STAG3: variants seen among roughly 807,000 people sequenced by gnomAD.
STAG3 encodes the protein cohesin subunit SA-3.
STAG3 carries 101 observed loss-of-function variants against 160.7 expected under a neutral mutation model. The ratio of observed to expected loss-of-function variants is 0.63; its 90% CI spans 0.54 to 0.74. The LOEUF is 0.74. Among genes scored for constraint, STAG3 ranks in the 30% least tolerant of loss-of-function variants. The pLI is 0.00. For missense variants in STAG3, 1,188 were observed against 1,517.4 expected (o/e 0.78, Z 3.61); for synonymous variants, 519 against 585.0 (o/e 0.89, Z 1.63).
rs529840831 is a variant in STAG3, at chr7:100,203,953, T to C, written c.2701-68T>C. The C allele has an allele frequency of 3.6e-5, 37 of 1,016,876 alleles. No individual in the cohort carries two copies. The East Asian group carries it at 8.4e-4, about 23-fold the overall frequency. 63.0% of individuals were successfully genotyped at this position (1,016,876 alleles called of 1,614,324 possible). On this transcript the variant is annotated intron_variant, in intron 25 of 33. Coordinates refer to ENST00000615138, the MANE Select transcript of STAG3 (RefSeq NM_001282717.2). ...TTTGGGAGGGAGACATGATTAGGGA[T>C]GTGAAGGAAGAAACCAAATGGTCTT... is the stretch of plus-strand genomic sequence containing the variant.
intron 8 of STAG3, among the ~76,000 whole-genome samples, chr7:100,193,138 T>C (rs771529838): frequency 6.6e-6 from 1 of 152,220 alleles, no homozygotes; most frequent in Non-Finnish European, 1.5e-5. Flanking sequence ...GAAAGGAATC[T>C]TTTTTTCTGA....
rs1454406986 is a variant in STAG3 at position 100,189,611 on chromosome 7, C to T, written c.867+15C>T. 8 of 1,601,026 alleles carry T rather than the reference C, an allele frequency of 5.0e-6. No individual in the cohort carries two copies. In the African/African-American group the frequency reaches 6.7e-5, roughly 13 times the overall value. The stretch of plus-strand genomic sequence containing the variant: ...AACGCAAAGAGGTGAGGAGTGTTCC[C>T]TGCTTCTTCCTTCCCTTTTTCCCAA... On this transcript the variant is annotated intron_variant, in intron 8 of 33. Transcript: ENST00000615138.
At chr7:100,196,940 G>C (rs1458000556) in intron 9 of STAG3, among the ~76,000 whole-genome samples, 4 of 152,146 alleles carry the variant, frequency 2.6e-5, no homozygotes, top group Non-Finnish European at 5.9e-5. Context: ...AGGCCAGCTT[G>C]GGCAACATAG....
At chr7:100,187,565 C>A (rs1461902820) in intron 5 of STAG3, among the ~76,000 whole-genome samples, 1 of 152,120 alleles carries the variant, frequency 6.6e-6, no homozygotes, top group Non-Finnish European at 1.5e-5. Flanking sequence ...TGCAGCCTGG[C>A]CCTTCATTTG....
At position 100,201,261 on chromosome 7, in the gene STAG3, A is replaced by G. The variant is rs981481869; in HGVS notation, c.2133-3A>G. 2 of 1,613,886 alleles carry G rather than the reference A, an allele frequency of 1.2e-6. No individual in the cohort carries two copies. Among genetic ancestry groups the G allele is most frequent in the Admixed American group, 3.3e-5 (2 of 59,994 alleles). The stretch of plus-strand genomic sequence containing the variant: ...GTATAACATTCCCCTTTCTCCCCCA[A>G]AGCACTCATGACCTGACTCGCTGGG... On this transcript the variant is annotated splice_region_variant and splice_polypyrimidine_tract_variant and intron_variant, in intron 20 of 33. Transcript: ENST00000615138.
In STAG3 at chr7:100,200,433, C is replaced by T. The variant is rs1801026323; in HGVS notation, c.1771-20C>T. On this transcript the variant is annotated intron_variant, in intron 17 of 33. Coordinates refer to ENST00000615138, the MANE Select transcript of STAG3 (RefSeq NM_001282717.2). ...GCAATGTGTCAGCTTGTAAGGAGGC[C>T]TCCCTGTCAATCATCACAGTTCTCA... is the stretch of plus-strand genomic sequence containing the variant. The T allele has an allele frequency of 6.2e-7, 1 of 1,613,848 alleles. No individual in the cohort carries two copies. The highest frequency in any genetic ancestry group is 8.5e-7 in the Non-Finnish European group (1 of 1,179,766).
At chr7:100,191,950 C>A (rs776715547) in intron 8 of STAG3, among the ~76,000 whole-genome samples, 2 of 152,228 alleles carry the variant, frequency 1.3e-5, no homozygotes, top group African/African-American at 4.8e-5. Context: ...ACAACCTCTT[C>A]ACCAGGAATA....
chr7:100,204,895 C>T lies in STAG3; in HGVS notation c.2952-110C>T, dbSNP rs900174845. ...GCAGTCAGGTTAGGGGTGGGTATGC[C>T]TTTGGAGACAAGCTGGGGACGGGGG... On this transcript the variant is annotated intron_variant, in intron 27 of 33. Coordinates refer to ENST00000615138, the MANE Select transcript of STAG3 (RefSeq NM_001282717.2). 22 of 1,570,894 alleles carry T rather than the reference C, an allele frequency of 1.4e-5. No homozygotes were observed. In the Admixed American group the frequency reaches 3.9e-4, roughly 28 times the overall value.
rs746784014 is a variant in STAG3 at position 100,211,888 on chromosome 7, A to C, written c.3600+12A>C. ...AGGATACAGACATGGTGAGTAGACCACCCTGCCCTTCTCTCTCAAGAACTA... is the reference window on the plus strand; with the variant it reads ...AGGATACAGACATGGTGAGTAGACCCCCCTGCCCTTCTCTCTCAAGAACTA... On this transcript the variant is annotated intron_variant, in intron 32 of 33. Coordinates refer to ENST00000615138, the MANE Select transcript of STAG3 (RefSeq NM_001282717.2). 6.2e-7 allele frequency: 1 copy of C among 1,612,890 alleles called. No individual in the cohort carries two copies. Among genetic ancestry groups the C allele is most frequent in the African/African-American group, 1.3e-5 (1 of 74,970 alleles).
Position 100,213,723 on chromosome 7 carries a change from C to A in STAG3, c.3601-12C>A. 1 of 1,614,168 alleles carries A rather than the reference C, an allele frequency of 6.2e-7. No homozygotes were observed. The highest frequency in any genetic ancestry group is 8.5e-7 in the Non-Finnish European group (1 of 1,180,014). ...TAAAGGCCTTTTTGACTTTTAACCT[C>A]ATTCTCTCTAGCAAGCAAGTAGCTA... On this transcript the variant is annotated splice_polypyrimidine_tract_variant and intron_variant, in intron 32 of 33. Transcript: ENST00000615138.
At chr7:100,186,138 T>C (rs1799985604) in intron 4 of STAG3, 62 bp from the exon 5 acceptor site, 4 of 1,293,628 alleles carry the variant, frequency 3.1e-6, no homozygotes, top group African/African-American at 1.5e-5. Context: ...GGGAAGATCA[T>C]ATAGGATTTC....
intron 9 of STAG3, among the ~76,000 whole-genome samples, chr7:100,196,822 T>C (rs936788983): frequency 6.6e-6 from 1 of 152,032 alleles, no homozygotes; most frequent in African/African-American, 2.4e-5. Flanking sequence ...AACTATTTTA[T>C]GGTTTGGTAA....
intron 10 of STAG3, 118 bp downstream of exon 10, chr7:100,197,397 A>G: frequency 5.0e-6 from 7 of 1,413,358 alleles, no homozygotes; most frequent in Non-Finnish European, 7.0e-6. Flanking sequence ...TGATGAACCC[A>G]TCAAGGCGCT....
chr7:100,188,463 C>A lies in STAG3; in HGVS notation c.444C>A (p.Thr148=). Residue 148 remains threonine (T), a synonymous_variant, in exon 6 of 34, where the codon ACC becomes ACA. Coordinates refer to ENST00000615138, the MANE Select transcript of STAG3 (RefSeq NM_001282717.2). ...IQSCGCKGIV[T]PEMFKKMSNS... ...TCCTTCATTCTTTAGGCATTGTGAC[C>A]CCTGAGATGTTCAAGAAGATGTCCA... The A allele has an allele frequency of 6.2e-7, 1 of 1,611,550 alleles. No individual in the cohort carries two copies. Among genetic ancestry groups the A allele is most frequent in the Non-Finnish European group, 8.5e-7 (1 of 1,177,710 alleles).
chr7:100,194,250 C>T (rs1800539869), intron 8 of STAG3, among the ~76,000 whole-genome samples: 1 of 152,150 alleles, frequency 6.6e-6, no homozygotes, highest in African/African-American at 2.4e-5. Context: ...GGCCTCTAAG[C>T]TTAATCATTT....
rs759521808 is a variant in STAG3 at position 100,204,600 on chromosome 7, C to T, written c.2803-27C>T. On this transcript the variant is annotated intron_variant, in intron 26 of 33. Transcript: ENST00000615138. ...GTTTCCGCCGTGTTCCTCCCTTTCC[C>T]ACATGCACCATGTCTCCTGGACACA... 3.7e-6 allele frequency: 6 copies of T among 1,606,352 alleles called. No individual in the cohort carries two copies. In the African/African-American group the frequency reaches 5.4e-5, roughly 14 times the overall value.
intron 2 of STAG3, chr7:100,180,879 T>TG (rs1480224853): frequency 2.1e-5 from 8 of 378,166 alleles, no homozygotes; most frequent in African/African-American, 1.1e-4. Context: ...TAGTACATCC[T>TG]GTTTTTTTTT....
chr7:100,217,727 C>T (rs940561189), downstream of STAG3, among the ~76,000 whole-genome samples: 2 of 152,100 alleles, frequency 1.3e-5, no homozygotes, highest in Admixed American at 1.3e-4. Flanking sequence ...GGGTCTTTAC[C>T]TTTTAGGTAG....
intron 8 of STAG3, among the ~76,000 whole-genome samples, chr7:100,189,977 G>A (rs1307713953): frequency 6.6e-6 from 1 of 152,156 alleles, no homozygotes; most frequent in South Asian, 2.1e-4. Context: ...TGACAAGGGA[G>A]GCCAAATTTT....
Sources: gnomAD v4.1 joint callset for allele counts (sites outside exome capture counted in the v4.1 genomes callset) on GRCh38, gnomAD v4.1.1 for gene constraint, MANE v1.5 for transcripts, NCBI Gene and HGNC (gene_info 2026-07-23, HGNC 2026-07-21) for gene names.